SLC8A1: variants seen among roughly 807,000 people sequenced by gnomAD.
SLC8A1 encodes solute carrier family 8 member A1.
Under a neutral mutation model 68.3 loss-of-function variants are expected in SLC8A1, and 18 were observed. The observed-to-expected ratio is 0.26, with a 90% CI of 0.18 to 0.39. The LOEUF is 0.39. Among genes scored for constraint, SLC8A1 ranks in the 10% least tolerant of loss-of-function variants. SLC8A1 has a pLI of 1.00. For missense variants in SLC8A1, 985 were observed against 1,156.7 expected, an observed-to-expected ratio of 0.85 and a Z score of 2.15; for synonymous variants, 475 against 415.5, an observed-to-expected ratio of 1.14 and a Z score of -1.74.
chr2:40,287,594 G>A (rs1250937839), intron 2 of SLC8A1, among the ~76,000 whole-genome samples: 2 of 140,680 alleles, frequency 1.4e-5, no homozygotes, highest in Non-Finnish European at 3.0e-5. Context: ...GTGTGTGTGT[G>A]TGTGTGTGTG....
At chr2:40,180,374 G>C (rs551146330) in intron 2 of SLC8A1, among the ~76,000 whole-genome samples, 1 of 152,260 alleles carries the variant, frequency 6.6e-6, no homozygotes, top group Non-Finnish European at 1.5e-5. Context: ...AACTGAATTT[G>C]ATGTTGTAAA....
intron 2 of SLC8A1, among the ~76,000 whole-genome samples, chr2:40,298,760 C>T (rs2070889633): frequency 6.6e-6 from 1 of 152,106 alleles, no homozygotes; most frequent in Non-Finnish European, 1.5e-5. Flanking sequence ...ACTGTAAAAG[C>T]TTATAGGATT....
At chr2:40,226,391 G>C (rs933074592) in intron 2 of SLC8A1, among the ~76,000 whole-genome samples, 1 of 152,114 alleles carries the variant, frequency 6.6e-6, no homozygotes, top group Non-Finnish European at 1.5e-5. Flanking sequence ...ATTGTGGTCC[G>C]TAAGAAATTA....
intron 2 of SLC8A1, among the ~76,000 whole-genome samples, chr2:40,236,326 G>A (rs763216652): frequency 6.6e-6 from 1 of 152,108 alleles, no homozygotes; most frequent in African/African-American, 2.4e-5. Flanking sequence ...AGCTCTTCTT[G>A]TTGAATTGAT....
rs1433422515 is a variant in SLC8A1 at position 40,320,627 on chromosome 2, T to A, written c.1808+107846A>T. On this transcript the variant is annotated intron_variant, in intron 2 of 7. Coordinates refer to ENST00000406785, the Ensembl canonical transcript of SLC8A1. ...TCTTAACATTGTTTTGAATTCACTT[T>A]GATGCGTGTCTCACTGTTAAGAAAA... 3.3e-5 allele frequency among the ~76,000 whole-genome samples: 5 copies of A among 152,178 alleles called. No homozygotes were observed. The East Asian group carries it at 9.6e-4, about 29-fold the overall frequency.
chr2:40,297,814 A>C (rs13001457), intron 2 of SLC8A1, among the ~76,000 whole-genome samples: 1 of 152,066 alleles, frequency 6.6e-6, no homozygotes, highest in Non-Finnish European at 1.5e-5. Flanking sequence ...AGGAGGGGCT[A>C]CTATTATAAA....
intron 1 of SLC8A1, among the ~76,000 whole-genome samples, chr2:40,483,878 G>GTA (rs1353092969): frequency 3.9e-5 from 6 of 152,160 alleles, no homozygotes; most frequent in African/African-American, 1.4e-4. Context: ...ATAAGCCACT[G>GTA]TATCAGCCCT....
chr2:40,160,777 T>C (rs766882900), exon 6 of SLC8A1: 4 of 1,613,130 alleles, frequency 2.5e-6, no homozygotes, highest in East Asian at 2.2e-5. Flanking sequence ...GCACTGACAG[T>C]GATAGCTTCA....
chr2:40,383,329 C>G (rs1471140227), intron 2 of SLC8A1, among the ~76,000 whole-genome samples: 1 of 151,934 alleles, frequency 6.6e-6, no homozygotes, highest in Admixed American at 6.6e-5. Context: ...CTTAGTTGGA[C>G]AACAAAATAA....
At chr2:40,105,608 A>G (rs1445105515) in exon 8 of SLC8A1, 3 of 152,222 alleles carry the variant, frequency 2.0e-5, no homozygotes, top group Non-Finnish European at 1.5e-5. Flanking sequence ...TCACAGTGCT[A>G]CTTTCAGTTT....
At chr2:40,314,820 T>C (rs1220632785) in intron 2 of SLC8A1, among the ~76,000 whole-genome samples, 1 of 152,062 alleles carries the variant, frequency 6.6e-6, no homozygotes, top group Non-Finnish European at 1.5e-5. Flanking sequence ...TATTTAGAAA[T>C]ACAATTAATT....
intron 3 of SLC8A1, 82 bp from the exon 5 acceptor site, chr2:40,174,924 A>G (rs6760003): frequency 7.4e-7 from 1 of 1,352,666 alleles, no homozygotes; most frequent in African/African-American, 1.5e-5. Flanking sequence ...CTGCCTGACA[A>G]CCCACCCAAG....
intron 2 of SLC8A1, among the ~76,000 whole-genome samples, chr2:40,201,515 C>T (rs1328822386): frequency 5.9e-5 from 9 of 151,838 alleles, no homozygotes. Context: ...TTAGGAAACA[C>T]CAGTCTAAAT....
chr2:40,446,114 G>T (rs1345391375), intron 1 of SLC8A1, among the ~76,000 whole-genome samples: 1 of 152,096 alleles, frequency 6.6e-6, no homozygotes, highest in Non-Finnish European at 1.5e-5. Context: ...ATAACCATTT[G>T]GTGCTAAAGA....
chr2:40,147,085 C>T (rs904930676), intron 6 of SLC8A1, among the ~76,000 whole-genome samples: 2 of 152,134 alleles, frequency 1.3e-5, no homozygotes, highest in African/African-American at 2.4e-5. Flanking sequence ...AAATATTTAA[C>T]GTGACAGAAA....
At chr2:40,478,774 G>GTTT (rs760505178) in intron 1 of SLC8A1, among the ~76,000 whole-genome samples, 2 of 133,970 alleles carry the variant, frequency 1.5e-5, no homozygotes, top group Admixed American at 7.5e-5. Context: ...TAATTTGTTT[G>GTTT]TTTTTTTTTT....
intron 2 of SLC8A1, among the ~76,000 whole-genome samples, chr2:40,259,796 A>G (rs1405356972): frequency 6.6e-6 from 1 of 152,134 alleles, no homozygotes; most frequent in Non-Finnish European, 1.5e-5. Flanking sequence ...ACTTTGGCAA[A>G]GAGTTTGGGC....
chr2:40,197,976 G>A (rs2053407675), intron 2 of SLC8A1, among the ~76,000 whole-genome samples: 1 of 151,878 alleles, frequency 6.6e-6, no homozygotes, highest in Non-Finnish European at 1.5e-5. Flanking sequence ...AGTTCTGGCA[G>A]CTCCCTATAG....
intron 1 of SLC8A1, among the ~76,000 whole-genome samples, chr2:40,490,462 G>A (rs1469960801): frequency 6.6e-6 from 1 of 152,052 alleles, no homozygotes; most frequent in African/African-American, 2.4e-5. Context: ...GTTTGTATAA[G>A]TATAAATATA....
Sources: gnomAD v4.1 joint callset for allele counts (sites outside exome capture counted in the v4.1 genomes callset) on GRCh38, gnomAD v4.1.1 for gene constraint, MANE v1.5 for transcripts, NCBI Gene and HGNC (gene_info 2026-07-23, HGNC 2026-07-21) for gene names.